CRADD: variants seen among roughly 807,000 people sequenced by gnomAD.
CRADD encodes the protein CARD and death domain containing adaptor protein, also known as death domain-containing protein CRADD.
A neutral mutation model predicts 15.5 loss-of-function variants in CRADD; 9 were observed. That is an observed-to-expected ratio of 0.58 (90% CI 0.35 to 1.01). The LOEUF is 1.01. Ranked by LOEUF, CRADD falls within the 50% of genes least tolerant of loss-of-function variation. The pLI is 0.02. For synonymous variants in CRADD, 118 were observed against 107.6 expected (o/e 1.10, Z -0.60); for missense variants, 227 against 250.3 (o/e 0.91, Z 0.63).
chr12:93,880,868 A>T (rs574654967), intron 2 of CRADD, among the ~76,000 whole-genome samples: 5 of 152,046 alleles, frequency 3.3e-5, no homozygotes, highest in Non-Finnish European at 7.4e-5. Flanking sequence ...TTCCTTCCTC[A>T]CTCTGGTTTC....
At chr12:93,730,784 C>T (rs10777537) in intron 2 of CRADD, among the ~76,000 whole-genome samples, 59,400 of 149,876 alleles carry the variant, frequency 0.4, 12,307 homozygotes, top group East Asian at 0.57. Flanking sequence ...GGCACAATCT[C>T]GGCTCACTGC....
intron 2 of CRADD, among the ~76,000 whole-genome samples, chr12:93,684,353 C>A (rs78341148): frequency 6.6e-6 from 1 of 151,768 alleles, no homozygotes; most frequent in South Asian, 2.1e-4. Flanking sequence ...ATAAGGAGTG[C>A]GCGACCTCGA....
chr12:93,785,391 A>T (rs1054108657), intron 2 of CRADD, among the ~76,000 whole-genome samples: 2 of 152,172 alleles, frequency 1.3e-5, no homozygotes, highest in South Asian at 4.1e-4. Flanking sequence ...GGCTTGAGTC[A>T]CCCACTGGTA....
Position 93,713,080 on chromosome 12 carries a change from A to G in CRADD, c.298+34008A>G, listed in dbSNP as rs1007395410. Among the ~76,000 whole-genome samples the G allele has an allele frequency of 5.9e-5, 9 of 151,928 alleles. No homozygotes were observed. The East Asian group carries it at 1.5e-3, about 26-fold the overall frequency. On this transcript the variant is annotated intron_variant, in intron 2 of 2. Coordinates refer to ENST00000332896, the MANE Select transcript of CRADD (RefSeq NM_003805.5). Reference sequence around the variant, plus strand: ...TTGAAGATCGTTTTTTTTTAAAGCCATTTTCAAAAACAGTTTTTCAGTTGG... The same window carrying G: ...TTGAAGATCGTTTTTTTTTAAAGCCGTTTTCAAAAACAGTTTTTCAGTTGG...
intron 2 of CRADD, among the ~76,000 whole-genome samples, chr12:93,730,922 G>A (rs553543294): frequency 6.6e-5 from 10 of 152,112 alleles, no homozygotes; most frequent in Non-Finnish European, 1.2e-4. Flanking sequence ...CACCATGTTG[G>A]CCAGGCTGGT....
chr12:93,786,331 G>A (rs1316802372), intron 2 of CRADD, among the ~76,000 whole-genome samples: 1 of 152,264 alleles, frequency 6.6e-6, no homozygotes, highest in South Asian at 2.1e-4. Flanking sequence ...GTATACATCT[G>A]TATTTAACTT....
At chr12:93,798,539 G>C (rs557831128) in intron 2 of CRADD, among the ~76,000 whole-genome samples, 118 of 152,190 alleles carry the variant, frequency 7.8e-4, no homozygotes, top group Non-Finnish European at 1.4e-3. Context: ...CAGAAACAGA[G>C]AGGTCAAGTG....
intron 2 of CRADD, among the ~76,000 whole-genome samples, chr12:93,860,230 C>T (rs1005382240): frequency 6.6e-6 from 1 of 152,020 alleles, no homozygotes; most frequent in Non-Finnish European, 1.5e-5. Flanking sequence ...CTTAAGCTAA[C>T]TCCATATTTA....
At chr12:93,679,150 G>A (rs1292841254) in intron 2 of CRADD, 78 bp downstream of exon 2, 2 of 1,226,368 alleles carry the variant, frequency 1.6e-6, no homozygotes, top group South Asian at 1.4e-5. Context: ...TTATTTGTTT[G>A]TTTGTTTTTG....
At position 93,845,578 on chromosome 12, in the gene CRADD, A is replaced by ATTTTT. The variant is rs1555228663; in HGVS notation, c.299-4391_299-4387dup. Among the ~76,000 whole-genome samples, 466 of 77,366 alleles carry ATTTTT rather than the reference A, an allele frequency of 6.0e-3. 3 individuals carry two copies. Among genetic ancestry groups the ATTTTT allele is most frequent in the African/African-American group, 0.016 (445 of 28,706 alleles). The allele number at this position is 77,366 out of a possible 152,430, so 50.8% of individuals were successfully genotyped here. A position where few individuals can be genotyped will look rare whatever the true frequency, so the allele number is the denominator to read the frequency against. ...GTCTCTATTAAATATATATATATAT[A>ATTTTT]TTTTTAATAAAGAAAAGAAAGGAAC... On this transcript the variant is annotated intron_variant, in intron 2 of 2. Coordinates refer to ENST00000332896, the MANE Select transcript of CRADD (RefSeq NM_003805.5).
At chr12:93,836,198 G>A (rs1339498464) in intron 2 of CRADD, 2 of 152,162 alleles carry the variant, frequency 1.3e-5, no homozygotes, top group African/African-American at 2.4e-5. Flanking sequence ...AGAAAAAAAT[G>A]TAAGAAACCC....
chr12:93,836,783 G>A (rs1046058447), intron 2 of CRADD, among the ~76,000 whole-genome samples: 1 of 152,182 alleles, frequency 6.6e-6, no homozygotes, highest in Non-Finnish European at 1.5e-5. Flanking sequence ...TATGTGCAAG[G>A]CACTACCCTG....
intron 2 of CRADD, among the ~76,000 whole-genome samples, chr12:93,789,173 C>G (rs917500728): frequency 6.6e-6 from 1 of 151,790 alleles, no homozygotes; most frequent in African/African-American, 2.4e-5. Context: ...CAGAGTTTTT[C>G]TGTGAGAGGC....
At chr12:93,679,649 C>T (rs1955238913) in intron 2 of CRADD, among the ~76,000 whole-genome samples, 2 of 152,132 alleles carry the variant, frequency 1.3e-5, no homozygotes, top group Non-Finnish European at 2.9e-5. Flanking sequence ...GAAATGCTTC[C>T]AGGAAACCTG....
chr12:93,791,291 G>C (rs552541057), intron 2 of CRADD, among the ~76,000 whole-genome samples: 2 of 152,138 alleles, frequency 1.3e-5, no homozygotes, highest in South Asian at 4.2e-4. Context: ...ATGGATGAAG[G>C]GATAAAGAAA....
At chr12:93,856,478 G>A (rs1002246360) in intron 2 of CRADD, among the ~76,000 whole-genome samples, 1 of 152,226 alleles carries the variant, frequency 6.6e-6, no homozygotes. Context: ...CACAGAGGGA[G>A]CAATTAAGTT....
At chr12:93,770,722 A>T (rs2136960280) in intron 2 of CRADD, among the ~76,000 whole-genome samples, 1 of 152,348 alleles carries the variant, frequency 6.6e-6, no homozygotes, top group South Asian at 2.1e-4. Context: ...ACTGAGGACT[A>T]CATCTTCTTC....
intron 2 of CRADD, among the ~76,000 whole-genome samples, chr12:93,737,268 A>T (rs1316452504): frequency 6.6e-6 from 1 of 152,210 alleles, no homozygotes; most frequent in Non-Finnish European, 1.5e-5. Context: ...TTGAGATCTG[A>T]CAATGCCAAG....
chr12:93,813,052 G>A (rs903903906), intron 2 of CRADD, among the ~76,000 whole-genome samples: 2 of 152,228 alleles, frequency 1.3e-5, no homozygotes, highest in African/African-American at 4.8e-5. Context: ...TAAGGGATAT[G>A]TGTTATATCA....
Sources: allele counts gnomAD v4.1 joint callset (sites outside exome capture counted in the v4.1 genomes callset), GRCh38; gene constraint gnomAD v4.1.1; transcripts MANE v1.5; gene names NCBI Gene and HGNC (gene_info 2026-07-23, HGNC 2026-07-21).